Variants in SLC35A3 observed in about 807,000 individuals in gnomAD.
SLC35A3 encodes solute carrier family 35 member A3.
Under a neutral mutation model 39.0 loss-of-function variants are expected in SLC35A3, and 26 were observed. That is an observed-to-expected ratio of 0.67 (90% CI 0.49 to 0.92). The LOEUF (loss-of-function observed/expected upper bound fraction) is 0.92, where lower values mean the gene tolerates loss of function less well. Among genes scored for constraint, SLC35A3 ranks in the 40% least tolerant of loss-of-function variants. The pLI is 0.00. For missense variants in SLC35A3, 299 were observed against 371.6 expected, an observed-to-expected ratio of 0.80 and a Z score of 1.61; for synonymous variants, 135 against 133.1, an observed-to-expected ratio of 1.01 and a Z score of -0.10.
intron 5 of SLC35A3, among the ~76,000 whole-genome samples, chr1:100,014,034 A>T (rs1222021468): frequency 1.3e-5 from 2 of 152,144 alleles, no homozygotes; most frequent in African/African-American, 4.8e-5. Flanking sequence ...TCCAATAGTC[A>T]TGTGATAGAA....
At chr1:100,016,636 G>T (rs901790697) in intron 6 of SLC35A3, among the ~76,000 whole-genome samples, 1 of 152,040 alleles carries the variant, frequency 6.6e-6, no homozygotes, top group Non-Finnish European at 1.5e-5. Context: ...GCCTCCCAAA[G>T]TGCTGGGATT....
At chr1:99,977,507 A>C (rs1192469664) in intron 1 of SLC35A3, among the ~76,000 whole-genome samples, 2 of 145,006 alleles carry the variant, frequency 1.4e-5, no homozygotes, top group Non-Finnish European at 3.0e-5. Flanking sequence ...ACGCCATTGC[A>C]CTCCAGCTTG....
At chr1:100,003,348 G>A (rs1259783039) in intron 3 of SLC35A3, among the ~76,000 whole-genome samples, 1 of 149,420 alleles carries the variant, frequency 6.7e-6, no homozygotes, top group Non-Finnish European at 1.5e-5. Flanking sequence ...CCCAGGAGGC[G>A]GAGGTTGCCG....
At chr1:99,985,879 G>A (rs1303319516) in intron 1 of SLC35A3, among the ~76,000 whole-genome samples, 1 of 152,138 alleles carries the variant, frequency 6.6e-6, no homozygotes, top group African/African-American at 2.4e-5. Context: ...CTTGGTCACT[G>A]TTGGTGTATA....
intron 1 of SLC35A3, among the ~76,000 whole-genome samples, chr1:99,989,377 G>C (rs761620953): frequency 1.3e-5 from 2 of 151,944 alleles, no homozygotes; most frequent in African/African-American, 2.4e-5. Context: ...TCCATCTCTC[G>C]GGTTCAAGCA....
intron 4 of SLC35A3, among the ~76,000 whole-genome samples, chr1:100,010,602 T>C (rs1659560692): frequency 6.6e-6 from 1 of 151,988 alleles, no homozygotes; most frequent in Non-Finnish European, 1.5e-5. Flanking sequence ...CTAAGGTGGA[T>C]CACCTGAGCC....
intron 7 of SLC35A3, among the ~76,000 whole-genome samples, chr1:100,021,353 G>C (rs1660525882): frequency 6.6e-6 from 1 of 151,972 alleles, no homozygotes; most frequent in South Asian, 2.1e-4. Flanking sequence ...GACAGAGTGA[G>C]ACTCCATCTC....
intron 1 of SLC35A3, among the ~76,000 whole-genome samples, chr1:99,977,289 G>A (rs954666919): frequency 6.6e-6 from 1 of 150,898 alleles, no homozygotes; most frequent in Non-Finnish European, 1.5e-5. Flanking sequence ...AGGTAGAGGC[G>A]GGCGGATCAC....
chr1:99,990,437 G>A (rs1212586360), intron 1 of SLC35A3, among the ~76,000 whole-genome samples: 1 of 152,122 alleles, frequency 6.6e-6, no homozygotes, highest in Non-Finnish European at 1.5e-5. Context: ...AGCTGGGTGT[G>A]GTGGCGTGTG....
chr1:99,995,629 A>G (rs1283615762), intron 2 of SLC35A3, among the ~76,000 whole-genome samples: 2 of 152,186 alleles, frequency 1.3e-5, no homozygotes, highest in African/African-American at 4.8e-5. Flanking sequence ...TTGGGGGGAA[A>G]TTAAAGCTGC....
intron 1 of SLC35A3, among the ~76,000 whole-genome samples, chr1:99,974,528 T>C (rs937791776): frequency 6.6e-6 from 1 of 152,154 alleles, no homozygotes. Flanking sequence ...TGAAGTCTTA[T>C]TATGTTGGCT....
In SLC35A3 at chr1:99,977,021, TA is replaced by T. The variant is rs542566208; in HGVS notation, c.-19+6864del. 3.6e-3 allele frequency among the ~76,000 whole-genome samples: 551 copies of T among 152,260 alleles called. 4 individuals are homozygous for T. The highest frequency in any genetic ancestry group is 5.8e-3 in the Non-Finnish European group (395 of 68,010). On this transcript the variant is annotated intron_variant, in intron 1 of 7. Coordinates refer to ENST00000533028, the MANE Select transcript of SLC35A3 (RefSeq NM_012243.3). ...GACAGTTTGTCAGACCATAAATCCATAAAAACTGCTCATTCTATATTGTTTC... is the reference window on the plus strand; with the variant it reads ...GACAGTTTGTCAGACCATAAATCCATAAAACTGCTCATTCTATATTGTTTC...
At chr1:100,003,740 C>T (rs1658997965) in intron 3 of SLC35A3, among the ~76,000 whole-genome samples, 1 of 152,046 alleles carries the variant, frequency 6.6e-6, no homozygotes, top group Admixed American at 6.6e-5. Context: ...CCAATTGTTA[C>T]TGTATTGGAG....
In SLC35A3 at chr1:100,017,592, AC is replaced by A; in HGVS notation, c.754-89del. 3 of 788,874 alleles carry A rather than the reference AC, an allele frequency of 3.8e-6. No homozygotes were observed. In the East Asian group the frequency reaches 9.3e-5, roughly 24 times the overall value. The allele number at this position is 788,874 out of a possible 1,614,324, so 48.9% of individuals were successfully genotyped here. ...ACTATAATGGGATTGAATTTATGGG[AC>A]AAAAGCTTAAAGCTTTATTAAATAC... On this transcript the variant is annotated intron_variant, in intron 6 of 7. Transcript: ENST00000533028.
rs1358974949 is a variant in SLC35A3 at position 100,030,614 on chromosome 1, A to G, written c.*8138A>G. ...CCCCAGCTTTAAATGTAGAGTATTTAAGAGGTTCAGTTAAATGTACTAAAT... is the reference window on the plus strand; with the variant it reads ...CCCCAGCTTTAAATGTAGAGTATTTGAGAGGTTCAGTTAAATGTACTAAAT... On this transcript the variant is annotated 3_prime_UTR_variant, in exon 8 of 8. Coordinates refer to ENST00000533028, the MANE Select transcript of SLC35A3 (RefSeq NM_012243.3). The G allele has an allele frequency of 6.6e-6, 1 of 152,244 alleles. No homozygotes were observed. The highest frequency in any genetic ancestry group is 1.5e-5 in the Non-Finnish European group (1 of 68,040). The allele number at this position is 152,244 out of a possible 1,614,324, so 9.4% of individuals were successfully genotyped here. A position where few individuals can be genotyped will look rare whatever the true frequency, so the allele number is the denominator to read the frequency against.
intron 3 of SLC35A3, among the ~76,000 whole-genome samples, chr1:99,999,852 T>C (rs1403323360): frequency 6.6e-6 from 1 of 152,186 alleles, no homozygotes; most frequent in East Asian, 1.9e-4. Flanking sequence ...AAATACGATA[T>C]TTGTCTTTCT....
At chr1:99,977,118 C>T (rs1054921627) in intron 1 of SLC35A3, among the ~76,000 whole-genome samples, 2 of 151,814 alleles carry the variant, frequency 1.3e-5, no homozygotes, top group East Asian at 3.9e-4. Context: ...ATTTTAAGGC[C>T]CCTCACCATT....
chr1:99,992,472 C>T (rs1658150300), intron 1 of SLC35A3, among the ~76,000 whole-genome samples: 1 of 151,736 alleles, frequency 6.6e-6, no homozygotes, highest in Non-Finnish European at 1.5e-5. Context: ...AAGTAAGTCT[C>T]CTGGAGTAAT....
At chr1:99,972,331 CT>C (rs761559206) in intron 1 of SLC35A3, among the ~76,000 whole-genome samples, 478 of 131,990 alleles carry the variant, frequency 3.6e-3, no homozygotes, top group Middle Eastern at 0.016. Flanking sequence ...GTACTTACTA[CT>C]TTTTTTTTTT....
Sources: gnomAD v4.1 joint callset for allele counts (sites outside exome capture counted in the v4.1 genomes callset) on GRCh38, gnomAD v4.1.1 for gene constraint, MANE v1.5 for transcripts, NCBI Gene and HGNC (gene_info 2026-07-23, HGNC 2026-07-21) for gene names.